NCKAP1: variants seen among roughly 807,000 people sequenced by gnomAD.
The protein encoded by NCKAP1 is nck-associated protein 1.
NCKAP1 carries 21 observed loss-of-function variants against 151.2 expected under a neutral mutation model. That is an observed-to-expected ratio of 0.14 (90% CI 0.10 to 0.20). NCKAP1 has a LOEUF of 0.20. NCKAP1 is among the 10% of genes least tolerant of loss of function. The pLI is 1.00. For missense variants in NCKAP1, 933 were observed against 1,352.1 expected, an observed-to-expected ratio of 0.69 and a Z score of 4.86; for synonymous variants, 484 against 451.8, an observed-to-expected ratio of 1.07 and a Z score of -0.90.
chr2:182,955,090 A>G (rs1382412030), intron 20 of NCKAP1, among the ~76,000 whole-genome samples: 1 of 152,210 alleles, frequency 6.6e-6, no homozygotes, highest in African/African-American at 2.4e-5. Flanking sequence ...CTGACTTACT[A>G]AGGAGAACAA....
chr2:182,996,973 T>G (rs913926507), intron 6 of NCKAP1, among the ~76,000 whole-genome samples: 1 of 152,154 alleles, frequency 6.6e-6, no homozygotes, highest in African/African-American at 2.4e-5. Context: ...CCTGGGAAAT[T>G]TGGGAGGTTG....
chr2:182,934,507 A>C (rs1696833421), intron 26 of NCKAP1: 1 of 249,070 alleles, frequency 4.0e-6, no homozygotes, highest in Non-Finnish European at 7.6e-6. Flanking sequence ...TTAAGGAAAA[A>C]AAAAATCTAT....
At chr2:183,034,074 A>C (rs1699056185) in intron 1 of NCKAP1, among the ~76,000 whole-genome samples, 1 of 152,190 alleles carries the variant, frequency 6.6e-6, no homozygotes, top group African/African-American at 2.4e-5. Flanking sequence ...AGAGAAAATA[A>C]CACCCTAAGT....
chr2:182,978,950 C>T, intron 13 of NCKAP1, 35 bp from the exon 14 acceptor site: 1 of 1,484,608 alleles, frequency 6.7e-7, no homozygotes, highest in Non-Finnish European at 9.4e-7. Context: ...TTAAAAACAT[C>T]TATAGTTGGG....
rs562034918 is a variant in NCKAP1 at position 182,912,036 on chromosome 2, A to G, written c.*13666T>C. ...ACTTAGCCCTTGAAAGCTTATGTCC[A>G]GCTGAGTAGTTATATCAATCACATC... On this transcript the variant is annotated 3_prime_UTR_variant, in exon 31 of 31. Coordinates refer to ENST00000361354, the MANE Select transcript of NCKAP1 (RefSeq NM_013436.5). The G allele has an allele frequency of 6.6e-6, 1 of 152,344 alleles. No individual in the cohort carries two copies. The highest frequency in any genetic ancestry group is 2.4e-5 in the African/African-American group (1 of 41,590). The allele number at this position is 152,344 out of a possible 1,614,324, so 9.4% of individuals were successfully genotyped here.
intron 15 of NCKAP1, among the ~76,000 whole-genome samples, chr2:182,971,993 T>C (rs1411088103): frequency 6.6e-6 from 1 of 152,108 alleles, no homozygotes; most frequent in East Asian, 1.9e-4. Context: ...CATGCCAGAA[T>C]ATTGGTCTGG....
chr2:182,921,859 A>G lies in NCKAP1; in HGVS notation c.*3843T>C, dbSNP rs1696554962. On this transcript the variant is annotated 3_prime_UTR_variant, in exon 31 of 31. Transcript: ENST00000361354. ...TACTTCTCACTCTGAAAATAATACCAAAGTAGAGTCAATAAATATTAAATT... is the reference window on the plus strand; with the variant it reads ...TACTTCTCACTCTGAAAATAATACCGAAGTAGAGTCAATAAATATTAAATT... The G allele has an allele frequency of 6.6e-6, 1 of 152,232 alleles. No individual in the cohort carries two copies. Among genetic ancestry groups the G allele is most frequent in the East Asian group, 1.9e-4 (1 of 5,202 alleles). The allele number at this position is 152,232 out of a possible 1,614,324, so 9.4% of individuals were successfully genotyped here.
At chr2:182,957,069 GT>G (rs1191362250) in intron 19 of NCKAP1, 4 of 166,536 alleles carry the variant, frequency 2.4e-5, no homozygotes, top group African/African-American at 9.6e-5. Flanking sequence ...TGTTATTTCT[GT>G]TTTATAATAA....
At position 182,967,480 on chromosome 2, in the gene NCKAP1, A is replaced by G. The variant is rs1009221870; in HGVS notation, c.1483-119T>C. ...TTAAACTATCTACTGTGACACTGAC[A>G]GTAACATCTACTGTGTTAGTTGTCT... On this transcript the variant is annotated intron_variant, in intron 15 of 30. Transcript: ENST00000361354. 6.8e-6 allele frequency: 6 copies of G among 888,194 alleles called. No individual in the cohort carries two copies. In the African/African-American group the frequency reaches 8.5e-5, roughly 13 times the overall value. The allele number at this position is 888,194 out of a possible 1,614,324, so 55.0% of individuals were successfully genotyped here. A position where few individuals can be genotyped will look rare whatever the true frequency, so the allele number is the denominator to read the frequency against.
At chr2:182,930,993 C>G (rs1039165690) in intron 26 of NCKAP1, among the ~76,000 whole-genome samples, 1 of 152,108 alleles carries the variant, frequency 6.6e-6, no homozygotes, top group African/African-American at 2.4e-5. Flanking sequence ...TAACTTCCTA[C>G]TGCTAGGCCA....
Position 182,981,359 on chromosome 2 carries a change from A to T in NCKAP1, c.1226T>A (p.Ile409Lys), listed in dbSNP as rs746190162. Residue 409 changes from isoleucine to lysine, a missense_variant, in exon 13 of 31, where the codon ATA becomes AAA. By Grantham distance (102) the Ile-to-Lys change is moderately radical (BLOSUM62 -3). This residue lies in a region of NCKAP1 where 607 missense variants were observed against 795.0 expected (regional missense o/e 0.76). Transcript: ENST00000361354. ...DFIDKHIAEL[I>K]FYMEELRAHV... The stretch of plus-strand genomic sequence containing the variant: ...TGCTCTAAGTTCTTCCATGTAAAAT[A>T]TTAATTCAGCAATGTGCCTTTTTTA... 1 of 1,611,708 alleles carries T rather than the reference A, an allele frequency of 6.2e-7. No homozygotes were observed. The highest frequency in any genetic ancestry group is 8.5e-7 in the Non-Finnish European group (1 of 1,178,296).
intron 8 of NCKAP1, among the ~76,000 whole-genome samples, chr2:182,990,861 G>C (rs890098179): frequency 6.6e-6 from 1 of 152,090 alleles, no homozygotes; most frequent in Admixed American, 6.6e-5. Context: ...ATATTTTGTA[G>C]AATCATACAC....
chr2:182,915,711 C>A lies in NCKAP1; in HGVS notation c.*9991G>T, dbSNP rs1032431721. ...GCATTTCTGTAAAGGGGTAAGATTA[C>A]AGTTAAGTGTCTCACAGCTCCTGTC... On this transcript the variant is annotated 3_prime_UTR_variant, in exon 31 of 31. Coordinates refer to ENST00000361354, the MANE Select transcript of NCKAP1 (RefSeq NM_013436.5). 1 of 152,112 alleles carries A rather than the reference C, an allele frequency of 6.6e-6. No homozygotes were observed. The highest frequency in any genetic ancestry group is 6.5e-5 in the Admixed American group (1 of 15,276). The allele number at this position is 152,112 out of a possible 1,614,324, so 9.4% of individuals were successfully genotyped here.
chr2:182,972,834 G>A (rs1452879135), intron 15 of NCKAP1, among the ~76,000 whole-genome samples: 2 of 152,128 alleles, frequency 1.3e-5, no homozygotes, highest in Admixed American at 1.3e-4. Context: ...ACTCCTAAGT[G>A]GATGCTAAAT....
chr2:182,924,075 C>T lies in NCKAP1; in HGVS notation c.*1627G>A, dbSNP rs970500544. 6.6e-6 allele frequency: 1 copy of T among 152,188 alleles called. No individual in the cohort carries two copies. Among genetic ancestry groups the T allele is most frequent in the Non-Finnish European group, 1.5e-5 (1 of 68,036 alleles). The allele number at this position is 152,188 out of a possible 1,614,324, so 9.4% of individuals were successfully genotyped here. A position where few individuals can be genotyped will look rare whatever the true frequency, so the allele number is the denominator to read the frequency against. On this transcript the variant is annotated 3_prime_UTR_variant, in exon 31 of 31. Coordinates refer to ENST00000361354, the MANE Select transcript of NCKAP1 (RefSeq NM_013436.5). ...CGGCATTAAATCTTAGTTTTGACTG[C>T]TCACTGTGTAAATCAGACTATTTCA...
intron 10 of NCKAP1, among the ~76,000 whole-genome samples, chr2:182,985,946 T>C (rs1286712922): frequency 6.6e-6 from 1 of 152,194 alleles, no homozygotes; most frequent in Admixed American, 6.5e-5. Context: ...GTGTGATACT[T>C]CCTTATAGCA....
intron 2 of NCKAP1, among the ~76,000 whole-genome samples, chr2:183,004,725 A>C (rs1698437223): frequency 6.6e-6 from 1 of 151,960 alleles, no homozygotes; most frequent in Admixed American, 6.6e-5. Flanking sequence ...CTCTACTAAA[A>C]ATACAAAAAT....
In NCKAP1 at chr2:183,015,239, T is replaced by G. The variant is rs193152738; in HGVS notation, c.219+8567A>C. Among the ~76,000 whole-genome samples the G allele has an allele frequency of 1.6e-4, 25 of 152,268 alleles. No individual in the cohort carries two copies. In the East Asian group the frequency reaches 4.8e-3, roughly 29 times the overall value. On this transcript the variant is annotated intron_variant, in intron 2 of 30. Coordinates refer to ENST00000361354, the MANE Select transcript of NCKAP1 (RefSeq NM_013436.5). ...AAGAAAGGAGATGTTTTAAAATAGA[T>G]GTGTTTTGGGATCATAAGAACCACC...
At chr2:182,981,685 G>A (rs1338434322) in intron 12 of NCKAP1, among the ~76,000 whole-genome samples, 3 of 151,996 alleles carry the variant, frequency 2.0e-5, no homozygotes, top group Non-Finnish European at 2.9e-5. Flanking sequence ...AAAGCGGGCT[G>A]ATCACATGAG....
Sources: gnomAD v4.1 joint callset for allele counts (sites outside exome capture counted in the v4.1 genomes callset) on GRCh38, gnomAD v4.1.1 for gene constraint, gnomAD v4.1.1 regional missense constraint, MANE v1.5 for transcripts, NCBI Gene and HGNC (gene_info 2026-07-23, HGNC 2026-07-21) for gene names.